The following MAP3K13 variants were observed in gnomAD, a reference collection of about 807,000 sequenced individuals.
MAP3K13 encodes mitogen-activated protein kinase kinase kinase 13, also known as leucine zipper-bearing kinase.
MAP3K13 carries 52 observed loss-of-function variants against 104.0 expected under a neutral mutation model. The ratio of observed to expected loss-of-function variants is 0.50; its 90% CI spans 0.40 to 0.63. The LOEUF (loss-of-function observed/expected upper bound fraction) is 0.63. Among genes scored for constraint, MAP3K13 ranks in the 20% least tolerant of loss-of-function variants. The pLI is 0.00. For missense variants in MAP3K13, 914 were observed against 1,218.5 expected (o/e 0.75, Z 3.72); for synonymous variants, 394 against 442.2 (o/e 0.89, Z 1.37).
chr3:185,382,747 G>C (rs564819846), intron 1 of MAP3K13, among the ~76,000 whole-genome samples: 1 of 152,146 alleles, frequency 6.6e-6, no homozygotes, highest in African/African-American at 2.4e-5. Flanking sequence ...GCTCATGCCT[G>C]TAATCCCAGC....
chr3:185,360,818 C>CTTTTTT (rs532196266), upstream of MAP3K13, among the ~76,000 whole-genome samples: 11 of 78,100 alleles, frequency 1.4e-4, no homozygotes, highest in East Asian at 3.8e-4. Context: ...ACAGCTTTAG[C>CTTTTTT]TTTTTTTTTT....
intron 2 of MAP3K13, among the ~76,000 whole-genome samples, chr3:185,291,454 T>C (rs1184640021): frequency 6.6e-6 from 1 of 152,152 alleles, no homozygotes; most frequent in Non-Finnish European, 1.5e-5. Context: ...TTCAAAAAAA[T>C]TTTTTTCCTT....
Position 185,418,633 on chromosome 3 carries a change from CTG to C in MAP3K13, c.-85-9862_-85-9861del, listed in dbSNP as rs1713943750. 1.2e-6 allele frequency: 2 copies of C among 1,612,032 alleles called. No individual in the cohort carries two copies. The highest frequency in any genetic ancestry group is 2.2e-5 in the East Asian group (1 of 44,868). On this transcript the variant is annotated intron_variant, in intron 1 of 13. Coordinates refer to ENST00000265026, the MANE Select transcript of MAP3K13 (RefSeq NM_004721.5). This position sits in a 1 kb window ranked among gnomAD's most constrained non-coding sequence, Gnocchi z 4.5. The stretch of plus-strand genomic sequence containing the variant: ...TAATTCACTGGCAGCGTAGGGCTGT[CTG>C]TTGTTTTTGCGCAAGTTGGTGTGAA...
At chr3:185,367,368 A>T (rs2108746897) in intron 1 of MAP3K13, among the ~76,000 whole-genome samples, 1 of 152,322 alleles carries the variant, frequency 6.6e-6, no homozygotes, top group South Asian at 2.1e-4. Context: ...ATTGACATGC[A>T]GGGTCTTAGA....
intron 1 of MAP3K13, among the ~76,000 whole-genome samples, chr3:185,367,855 C>T (rs1282029582): frequency 2.0e-5 from 3 of 152,164 alleles, no homozygotes; most frequent in Non-Finnish European, 4.4e-5. Context: ...CTTGGCCTTC[C>T]ACAATGTTGT....
rs6444060 is a variant in MAP3K13, at chr3:185,365,951, C to T, written c.-86+2583C>T. Among the ~76,000 whole-genome samples, 638 of 69,388 alleles carry T rather than the reference C, an allele frequency of 9.2e-3. 35 individuals are homozygous for T. The highest frequency in any genetic ancestry group is 0.024 in the Middle Eastern group (2 of 82). The allele number at this position is 69,388 out of a possible 152,430, so 45.5% of individuals were successfully genotyped here. ...CCCTTCCCTCCCTCCCTCCCTCCCT[C>T]CCTTCCTTCCTTCCTTTCTTTTCTC... On this transcript the variant is annotated intron_variant, in intron 1 of 13. Coordinates refer to ENST00000265026, the MANE Select transcript of MAP3K13 (RefSeq NM_004721.5).
At chr3:185,340,561 T>C (rs1216809256) in intron 2 of MAP3K13, among the ~76,000 whole-genome samples, 1 of 152,212 alleles carries the variant, frequency 6.6e-6, no homozygotes, top group Admixed American at 6.5e-5. Context: ...CCTTTTCTTT[T>C]TATAAGGACA....
chr3:185,343,821 C>T (rs191887035), intron 2 of MAP3K13, among the ~76,000 whole-genome samples: 1 of 152,250 alleles, frequency 6.6e-6, no homozygotes, highest in African/African-American at 2.4e-5. Context: ...GATCCCAAAA[C>T]ATACCTTCAA....
intron 1 of MAP3K13, among the ~76,000 whole-genome samples, chr3:185,366,561 A>G (rs760420175): frequency 1.3e-5 from 2 of 152,222 alleles, no homozygotes; most frequent in African/African-American, 4.8e-5. Flanking sequence ...TCAGCAATGT[A>G]TGAGGGTCCA....
intron 7 of MAP3K13, among the ~76,000 whole-genome samples, chr3:185,452,930 A>G (rs1403744945): frequency 6.6e-6 from 1 of 152,170 alleles, no homozygotes; most frequent in Non-Finnish European, 1.5e-5. Flanking sequence ...GCCAACCCAG[A>G]TTCTCGGGAT....
intron 1 of MAP3K13, chr3:185,417,577 G>T: frequency 6.2e-7 from 1 of 1,609,048 alleles, no homozygotes; most frequent in Non-Finnish European, 8.5e-7. Context: ...GGTAGCTGCT[G>T]CCTTTTTTCC....
intron 3 of MAP3K13, among the ~76,000 whole-genome samples, chr3:185,443,033 G>T (rs988754188): frequency 2.0e-5 from 3 of 152,018 alleles, no homozygotes; most frequent in African/African-American, 7.3e-5. Flanking sequence ...TAGAGACAGG[G>T]TTTCACCATC....
Position 185,405,830 on chromosome 3 carries a change from T to A in MAP3K13, c.-85-22667T>A, listed in dbSNP as rs1037589190. On this transcript the variant is annotated intron_variant, in intron 1 of 13. Transcript: ENST00000265026. ...CACTAGTTTGTATGCTCCTTGAGGG[T>A]AGGACTATCTGACCGGGTCTATTCC... Among the ~76,000 whole-genome samples, 4 of 152,322 alleles carry A rather than the reference T, an allele frequency of 2.6e-5. No homozygotes were observed. In the East Asian group the frequency reaches 5.8e-4, roughly 22 times the overall value.
intron 13 of MAP3K13, 35 bp downstream of exon 13, chr3:185,480,564 C>T: frequency 2.5e-6 from 4 of 1,592,366 alleles, no homozygotes; most frequent in Non-Finnish European, 3.4e-6. Context: ...CATCACTGTT[C>T]CCTTTTTTGC....
At chr3:185,331,906 G>A (rs929088997) in intron 2 of MAP3K13, among the ~76,000 whole-genome samples, 7 of 152,062 alleles carry the variant, frequency 4.6e-5, no homozygotes, top group South Asian at 2.1e-4. Context: ...TGTTCTAAAT[G>A]TTTTCAGTTG....
chr3:185,291,651 C>A (rs1187826976), intron 2 of MAP3K13: 2 of 1,532,418 alleles, frequency 1.3e-6, no homozygotes, highest in East Asian at 4.9e-5. Context: ...GGCCTATCAT[C>A]ATTATGCATT....
chr3:185,471,243 CT>C (rs1254922778), intron 10 of MAP3K13, among the ~76,000 whole-genome samples: 2 of 151,658 alleles, frequency 1.3e-5, no homozygotes, highest in Non-Finnish European at 2.9e-5. Context: ...TTATTTGGCC[CT>C]CCAGAAAGTC....
intron 2 of MAP3K13, among the ~76,000 whole-genome samples, chr3:185,286,029 T>A (rs998428195): frequency 1.3e-5 from 2 of 152,180 alleles, no homozygotes; most frequent in African/African-American, 4.8e-5. Flanking sequence ...TAATAGTATA[T>A]GTATCAAATC....
intron 2 of MAP3K13, among the ~76,000 whole-genome samples, chr3:185,311,428 A>G (rs557711870): frequency 1.1e-4 from 17 of 152,310 alleles, no homozygotes; most frequent in Admixed American, 8.5e-4. Flanking sequence ...CCATGATTCA[A>G]TTACCTCCCC....
Sources: allele counts gnomAD v4.1 joint callset (sites outside exome capture counted in the v4.1 genomes callset), GRCh38; gene constraint gnomAD v4.1.1; non-coding constraint Gnocchi (gnomAD v3.1); transcripts MANE v1.5; gene names NCBI Gene and HGNC (gene_info 2026-07-23, HGNC 2026-07-21).